TECTA: variants seen among roughly 807,000 people sequenced by gnomAD.
TECTA encodes alpha-tectorin.
A neutral mutation model predicts 216.8 loss-of-function variants in TECTA; 128 were observed. The observed-to-expected ratio is 0.59, with a 90% CI of 0.51 to 0.68. The LOEUF is 0.68. TECTA is among the 30% of genes least tolerant of loss of function. The pLI is 0.00. For synonymous variants in TECTA, 1,089 were observed against 1,117.1 expected, an observed-to-expected ratio of 0.97 and a Z score of 0.50; for missense variants, 2,551 against 2,786.2, an observed-to-expected ratio of 0.92 and a Z score of 1.90.
Position 121,158,117 on chromosome 11 carries a change from A to G in TECTA, c.4582A>G (p.Ile1528Val), listed in dbSNP as rs1186256154. ...QKLPDISFQL[I>V]INFDKWSAPN... ...ACTGCCCGACATCTCCTTCCAGCTTATCATCAACTTCGACAAGTGGTCGGC... is the reference window on the plus strand; with the variant it reads ...ACTGCCCGACATCTCCTTCCAGCTTGTCATCAACTTCGACAAGTGGTCGGC... Residue 1528 changes from isoleucine (I) to valine (V), a missense_variant, in exon 14 of 24, where the codon ATC becomes GTC. Ile to Val is a conservative substitution (Grantham distance 29). This residue lies in a region of TECTA where 2,375 missense variants were observed against 2,563.9 expected (regional missense o/e 0.93). Transcript: ENST00000392793. The G allele has an allele frequency of 1.9e-6, 3 of 1,614,090 alleles. No homozygotes were observed. Among genetic ancestry groups the G allele is most frequent in the Non-Finnish European group, 2.5e-6 (3 of 1,180,042 alleles).
intron 11 of TECTA, among the ~76,000 whole-genome samples, chr11:121,142,918 A>G (rs1946798626): frequency 1.3e-5 from 2 of 151,870 alleles, no homozygotes; most frequent in South Asian, 4.2e-4. Flanking sequence ...CCTTCTCTTC[A>G]ACTCATAAAC....
intron 18 of TECTA, 122 bp downstream of exon 18, chr11:121,166,902 C>A: frequency 9.4e-7 from 1 of 1,066,160 alleles, no homozygotes; most frequent in Non-Finnish European, 1.4e-6. Context: ...CCTTAGAAAA[C>A]AGCAATAGGC....
At chr11:121,176,880 C>T (rs370422865) in intron 20 of TECTA, among the ~76,000 whole-genome samples, 1 of 151,922 alleles carries the variant, frequency 6.6e-6, no homozygotes, top group Admixed American at 6.6e-5. Context: ...ATTTCTTTTT[C>T]TTCTTTTTTC....
chr11:121,165,940 C>T (rs1477985239), intron 17 of TECTA, among the ~76,000 whole-genome samples: 3 of 152,192 alleles, frequency 2.0e-5, no homozygotes, highest in Non-Finnish European at 4.4e-5. Flanking sequence ...CCAAATAACG[C>T]AGAGGCAGTT....
At chr11:121,141,226 A>G (rs1284763832) in intron 11 of TECTA, among the ~76,000 whole-genome samples, 1 of 152,196 alleles carries the variant, frequency 6.6e-6, no homozygotes, top group Non-Finnish European at 1.5e-5. Context: ...TTGTTTTCCC[A>G]TGATGTTATT....
At position 121,187,964 on chromosome 11, in the gene TECTA, C is replaced by T; in HGVS notation, c.6132C>T (p.Leu2044=). 6.2e-7 allele frequency: 1 copy of T among 1,614,212 alleles called. No homozygotes were observed. Among genetic ancestry groups the T allele is most frequent in the Non-Finnish European group, 8.5e-7 (1 of 1,180,032 alleles). The change falls in exon 21 of 24, where the codon CTC becomes CTT. Residue 2044 remains leucine, a synonymous_variant. Coordinates refer to ENST00000392793, the MANE Select transcript of TECTA (RefSeq NM_005422.4). The part of the protein sequence containing the change: ...DEVHLHCAVS[L]CDSEKYSCKI... ...TTCACCTTCACTGTGCAGTGTCACT[C>T]TGCGACTCAGAAAAGTACTCCTGTA... is the stretch of plus-strand genomic sequence containing the variant.
At chr11:121,173,797 C>A (rs1220362) in intron 20 of TECTA, among the ~76,000 whole-genome samples, 1 of 151,774 alleles carries the variant, frequency 6.6e-6, no homozygotes, top group African/African-American at 2.4e-5. Flanking sequence ...GCCATTTTCA[C>A]GATATTGATT....
intron 14 of TECTA, among the ~76,000 whole-genome samples, chr11:121,159,587 G>A (rs1214331399): frequency 6.6e-6 from 1 of 152,188 alleles, no homozygotes; most frequent in Non-Finnish European, 1.5e-5. Flanking sequence ...AGAAAATAAT[G>A]TGTGTATAGG....
rs56192753 is a variant in TECTA at position 121,127,608 on chromosome 11, C to G, written c.1775-144C>G. On this transcript the variant is annotated intron_variant, in intron 8 of 23. Transcript: ENST00000392793. The surrounding 1 kb of genome is among the most constrained non-coding windows in gnomAD (Gnocchi z 5.0). ...GTCATTGAGCTGGGTTTTACAGATA[C>G]AACCTCAATTCTGTCTTCCCCGAGT... The G allele has an allele frequency of 7.0e-3, 6,159 of 875,580 alleles. 46 individuals are homozygous for G. The highest frequency in any genetic ancestry group is 0.025 in the Middle Eastern group (114 of 4,560). 54.2% of individuals were successfully genotyped at this position (875,580 alleles called of 1,614,324 possible). A position where few individuals can be genotyped will look rare whatever the true frequency, so the allele number is the denominator to read the frequency against.
chr11:121,154,691 G>A (rs1339575256), intron 13 of TECTA, among the ~76,000 whole-genome samples: 8 of 152,180 alleles, frequency 5.3e-5, no homozygotes, highest in African/African-American at 1.4e-4. Context: ...CTGAGCAAAC[G>A]CTGTCATTTC....
intron 14 of TECTA, 151 bp from the exon 15 acceptor site, chr11:121,159,984 C>T: frequency 1.2e-6 from 1 of 812,610 alleles, no homozygotes; most frequent in Non-Finnish European, 2.0e-6. Context: ...ATTGTCTATG[C>T]CTGCTGTCAT....
intron 9 of TECTA, 136 bp downstream of exon 9, chr11:121,128,480 G>A (rs1685722692): frequency 6.5e-6 from 5 of 764,176 alleles, no homozygotes; most frequent in East Asian, 5.4e-5. Flanking sequence ...AAACGGGAGC[G>A]TTTTCTAATG....
At chr11:121,181,417 G>T (rs1036475668) in intron 20 of TECTA, among the ~76,000 whole-genome samples, 1 of 150,776 alleles carries the variant, frequency 6.6e-6, no homozygotes, top group Non-Finnish European at 1.5e-5. Flanking sequence ...GTATTTCATA[G>T]ATTTCTTTTT....
At position 121,189,140 on chromosome 11, in the gene TECTA, A is replaced by G. The variant is rs1947316275; in HGVS notation, c.6223A>G (p.Ile2075Val). 6.2e-7 allele frequency: 1 copy of G among 1,613,982 alleles called. No homozygotes were observed. Reference sequence around the variant, plus strand: ...CACAAAAGAGCCCAAAGAACAGATCATTTCAGTGGGACCTATTAGGAGAAA... The same window carrying G: ...CACAAAAGAGCCCAAAGAACAGATCGTTTCAGTGGGACCTATTAGGAGAAA... The part of the protein sequence containing the change: ...DYTKEPKEQI[I>V]SVGPIRRKRL... The change falls in exon 22 of 24, where the codon ATT becomes GTT. Residue 2075 changes from isoleucine (I) to valine (V), a missense_variant. Transcript: ENST00000392793.
Position 121,162,122 on chromosome 11 carries a change from C to T in TECTA, c.5024C>T (p.Ala1675Val), listed in dbSNP as rs1277242376. Residue 1675 changes from alanine to valine, a missense_variant, in exon 16 of 24, where the codon GCC (alanine) becomes GTC (valine). Ala to Val is a moderately conservative substitution (Grantham distance 64, BLOSUM62 0). This residue lies in a region of TECTA where 2,375 missense variants were observed against 2,563.9 expected (regional missense o/e 0.93). Coordinates refer to ENST00000392793, the MANE Select transcript of TECTA (RefSeq NM_005422.4). ...CNELQFSQYA[A>V]MCDNVHIQKM... ...GAGCTGCAGTTCTCACAGTATGCAGCCATGTGTGACAATGTGCACATCCAG... is the reference window on the plus strand; with the variant it reads ...GAGCTGCAGTTCTCACAGTATGCAGTCATGTGTGACAATGTGCACATCCAG... 1 of 1,614,166 alleles carries T rather than the reference C, an allele frequency of 6.2e-7. No individual in the cohort carries two copies. The highest frequency in any genetic ancestry group is 8.5e-7 in the Non-Finnish European group (1 of 1,180,040).
intron 11 of TECTA, among the ~76,000 whole-genome samples, chr11:121,141,438 A>T (rs1946782851): frequency 6.6e-6 from 1 of 152,194 alleles, no homozygotes; most frequent in Admixed American, 6.5e-5. Context: ...GCACCACAGG[A>T]CATGGGAAAA....
intron 6 of TECTA, among the ~76,000 whole-genome samples, chr11:121,115,880 C>T (rs1946497181): frequency 6.6e-6 from 1 of 152,164 alleles, no homozygotes; most frequent in South Asian, 2.1e-4. Context: ...TGGTCTCAAA[C>T]TCCTGGTCTC....
chr11:121,162,446 TA>T, intron 16 of TECTA, 76 bp downstream of exon 16: 1 of 1,500,558 alleles, frequency 6.7e-7, no homozygotes, highest in Non-Finnish European at 9.0e-7. Context: ...TTGCTTTTTC[TA>T]GGGATGACTG....
rs1946984652 is a variant in TECTA at position 121,160,246 on chromosome 11, A to G, written c.4801A>G (p.Asn1601Asp). ...DTSPDIQIYY[N>D]GFNVIKISIS... Reference sequence around the variant, plus strand: ...CAGCCCAGACATCCAGATATACTACAATGGTTTCAACGTCATTAAAATCAG... The same window carrying G: ...CAGCCCAGACATCCAGATATACTACGATGGTTTCAACGTCATTAAAATCAG... The change falls in exon 15 of 24, where the codon AAT becomes GAT. Residue 1601 changes from asparagine (N) to aspartate (D), a missense_variant. Physicochemically the swap from Asn to Asp is conservative, Grantham distance 23 (BLOSUM62 1). Transcript: ENST00000392793. 3.7e-6 allele frequency: 6 copies of G among 1,614,206 alleles called. No individual in the cohort carries two copies. The highest frequency in any genetic ancestry group is 5.1e-6 in the Non-Finnish European group (6 of 1,180,036).
Sources: gnomAD v4.1 joint callset for allele counts (sites outside exome capture counted in the v4.1 genomes callset) on GRCh38, gnomAD v4.1.1 for gene constraint, gnomAD v4.1.1 regional missense constraint, Gnocchi (gnomAD v3.1) non-coding constraint, MANE v1.5 for transcripts, NCBI Gene and HGNC (gene_info 2026-07-23, HGNC 2026-07-21) for gene names.